Variants in DVL2 observed in about 807,000 individuals in gnomAD.
DVL2 encodes the protein dishevelled segment polarity protein 2.
A neutral mutation model predicts 69.8 loss-of-function variants in DVL2; 38 were observed. The observed-to-expected ratio is 0.54, with a 90% CI of 0.42 to 0.71. The LOEUF (loss-of-function observed/expected upper bound fraction) is 0.71, where lower values mean the gene tolerates loss of function less well. DVL2 is among the 30% of genes least tolerant of loss of function. The pLI, the probability that DVL2 is intolerant of heterozygous loss-of-function variation, is 0.00. For missense variants in DVL2, 931 were observed against 1,008.1 expected (o/e 0.92, Z 1.04); for synonymous variants, 428 against 392.4 (o/e 1.09, Z -1.07).
rs372921737 is a variant in DVL2, at chr17:7,226,357, C to T, written c.1763-44G>A. ...GGCAACTGAGTCCTCACCCAGGCTCCTCCCTGGCTCCCCTCTCATCCACCC... is the reference window on the plus strand; with the variant it reads ...GGCAACTGAGTCCTCACCCAGGCTCTTCCCTGGCTCCCCTCTCATCCACCC... On this transcript the variant is annotated intron_variant, in intron 14 of 14. Transcript: ENST00000005340. 1.9e-5 allele frequency: 29 copies of T among 1,532,734 alleles called. No homozygotes were observed. The African/African-American group carries it at 3.9e-4, about 20-fold the overall frequency. 94.9% of individuals were successfully genotyped at this position (1,532,734 alleles called of 1,614,324 possible). A position where few individuals can be genotyped will look rare whatever the true frequency, so the allele number is the denominator to read the frequency against.
At chr17:7,233,891 A>C in intron 1 of DVL2, 178 bp downstream of exon 1, 1 of 704,338 alleles carries the variant, frequency 1.4e-6, no homozygotes, top group East Asian at 2.5e-5. Context: ...GTGTGCCTCA[A>C]TCTATCCAAG....
At position 7,226,444 on chromosome 17, in the gene DVL2, C is replaced by T. The variant is rs757188541; in HGVS notation, c.1739G>A (p.Ser580Asn). 1 of 1,539,584 alleles carries T rather than the reference C, an allele frequency of 6.5e-7. No individual in the cohort carries two copies. Among genetic ancestry groups the T allele is most frequent in the South Asian group, 1.3e-5 (1 of 79,504 alleles). The change falls in exon 14 of 15, where the codon AGT (serine) becomes AAT (asparagine). Residue 580 changes from serine (S) to asparagine (N), a missense_variant. Coordinates refer to ENST00000005340, the MANE Select transcript of DVL2 (RefSeq NM_004422.3). ...ELSSYTYGGG[S>N]ASSQHSEGSR... ...ACCCTCACTATGCTGGCTGCTGGCA[C>T]TGCCCCCACCATAGGTGTAAGATGA...
rs1451512425 is a variant in DVL2, at chr17:7,229,394, T to C, written c.801A>G (p.Thr267=). ...TDSTMSLNII[T]VTLNMEKYNF... is the part of the protein sequence containing the mutation. ...TCCCCATACCCATGTTTAGCGTGACTGTGATGATATTGAGAGACATTGTGG... is the reference window on the plus strand; with the variant it reads ...TCCCCATACCCATGTTTAGCGTGACCGTGATGATATTGAGAGACATTGTGG... The change falls in exon 7 of 15, where the codon ACA becomes ACG. Residue 267 remains threonine (T), a synonymous_variant. Coordinates refer to ENST00000005340, the MANE Select transcript of DVL2 (RefSeq NM_004422.3). This position sits in a 1 kb window ranked among gnomAD's most constrained non-coding sequence, Gnocchi z 4.4. 6.2e-6 allele frequency: 10 copies of C among 1,613,912 alleles called. No homozygotes were observed. The highest frequency in any genetic ancestry group is 8.5e-6 in the Non-Finnish European group (10 of 1,180,012).
rs1567574815 is a variant in DVL2 at position 7,230,027 on chromosome 17, C to T, written c.520+19G>A. 1.2e-6 allele frequency: 2 copies of T among 1,613,286 alleles called. No homozygotes were observed. The highest frequency in any genetic ancestry group is 1.1e-5 in the South Asian group (1 of 91,076). Reference sequence around the variant, plus strand: ...GGGGTCTGGCCCAGCCCTTCCCGGCCCCCAGGCCTGCCCCTCACCGCCATG... The same window carrying T: ...GGGGTCTGGCCCAGCCCTTCCCGGCTCCCAGGCCTGCCCCTCACCGCCATG... On this transcript the variant is annotated intron_variant, in intron 4 of 14. Transcript: ENST00000005340.
Position 7,227,259 on chromosome 17 carries a change from C to T in DVL2, c.1374G>A (p.Val458=), listed in dbSNP as rs368325758. The change falls in exon 13 of 15, where the codon GTG becomes GTA. Residue 458 remains valine (V), a synonymous_variant. Transcript: ENST00000005340. ...CCACGTGATGGTAGAGCCAGTCAAC[C>T]ACATCCGAGCCTGGGAGCACCCACA... The part of the protein sequence containing the change: ...TIPNAFLGSD[V]VDWLYHHVEG... The T allele has an allele frequency of 5.6e-6, 9 of 1,609,034 alleles. No individual in the cohort carries two copies. The African/African-American group carries it at 1.1e-4, about 19-fold the overall frequency.
At position 7,227,672 on chromosome 17, in the gene DVL2, C is replaced by A. The variant is rs140804349; in HGVS notation, c.1214G>T (p.Gly405Val). The A allele has an allele frequency of 2.5e-6, 4 of 1,614,074 alleles. No individual in the cohort carries two copies. The Admixed American group carries it at 6.7e-5, about 27-fold the overall frequency. ...CGGCTCACCATCAGGCAAAGACGAT[C>A]CAGATGTAATGGTGCTCATGGAGGA... is the stretch of plus-strand genomic sequence containing the variant. Reference protein sequence around the residue: ...GSSSMSTITSGSSLPDGCEGR... With the variant: ...GSSSMSTITSVSSLPDGCEGR... Residue 405 changes from glycine to valine, a missense_variant, in exon 11 of 15, where the codon GGA becomes GTA. Around this residue, in one of 3 missense-constraint regions of DVL2, gnomAD observed 555 missense variants for 588.8 expected, o/e 0.94. Coordinates refer to ENST00000005340, the MANE Select transcript of DVL2 (RefSeq NM_004422.3).
rs1455040451 is a variant in DVL2 at position 7,229,908 on chromosome 17, C to T, written c.556G>A (p.Glu186Lys). The T allele has an allele frequency of 6.2e-7, 1 of 1,609,552 alleles. No individual in the cohort carries two copies. The highest frequency in any genetic ancestry group is 1.3e-5 in the African/African-American group (1 of 74,898). ...CTCTCGTATCCGGCCAGGTGGCGCT[C>T]CAGCCTTGAGGGGCCACCAGTCCTG... ...GHRTGGPSRL[E>K]RHLAGYESSS... The change falls in exon 5 of 15, where the codon GAG becomes AAG. Residue 186 changes from glutamate to lysine, a missense_variant. Around this residue, in one of 3 missense-constraint regions of DVL2, gnomAD observed 555 missense variants for 588.8 expected, o/e 0.94. Transcript: ENST00000005340. The surrounding 1 kb of genome is among the most constrained non-coding windows in gnomAD (Gnocchi z 4.4).
At position 7,229,385 on chromosome 17, in the gene DVL2, T is replaced by G. The variant is rs750176995; in HGVS notation, c.810A>C (p.Leu270=). ...TMSLNIITVT[L]NMEKYNFLGI... ...CACAGGCTCTCCCCATACCCATGTTTAGCGTGACTGTGATGATATTGAGAG... is the reference window on the plus strand; with the variant it reads ...CACAGGCTCTCCCCATACCCATGTTGAGCGTGACTGTGATGATATTGAGAG... Residue 270 remains leucine, a synonymous_variant, in exon 7 of 15, where the codon CTA becomes CTC. Transcript: ENST00000005340. The surrounding 1 kb of genome is among the most constrained non-coding windows in gnomAD (Gnocchi z 4.4). 6.2e-7 allele frequency: 1 copy of G among 1,613,938 alleles called. No individual in the cohort carries two copies. Among genetic ancestry groups the G allele is most frequent in the Non-Finnish European group, 8.5e-7 (1 of 1,180,026 alleles).
chr17:7,229,970 C>G lies in DVL2; in HGVS notation c.521-27G>C, dbSNP rs762868370. 2 of 1,608,426 alleles carry G rather than the reference C, an allele frequency of 1.2e-6. No individual in the cohort carries two copies. Among genetic ancestry groups the G allele is most frequent in the African/African-American group, 2.7e-5 (2 of 74,898 alleles). On this transcript the variant is annotated intron_variant, in intron 4 of 14. Coordinates refer to ENST00000005340, the MANE Select transcript of DVL2 (RefSeq NM_004422.3). The surrounding 1 kb of genome is among the most constrained non-coding windows in gnomAD (Gnocchi z 4.4). ...TACATATGGACAGGAAGCTCAAGAA[C>G]CAAGCTTCCCCCTGCTCACCCCACC...
Position 7,229,280 on chromosome 17 carries a change from G to T in DVL2, c.818-6C>A. The T allele has an allele frequency of 6.2e-7, 1 of 1,613,902 alleles. No individual in the cohort carries two copies. The highest frequency in any genetic ancestry group is 2.2e-5 in the East Asian group (1 of 44,890). ...ACCCAGGAAGTTGTACTTCTCTGTG[G>T]AGAGAGGCCATGTGAAAAGAGGAGC... On this transcript the variant is annotated splice_region_variant and splice_polypyrimidine_tract_variant and intron_variant, in intron 7 of 14. Coordinates refer to ENST00000005340, the MANE Select transcript of DVL2 (RefSeq NM_004422.3). This position sits in a 1 kb window ranked among gnomAD's most constrained non-coding sequence, Gnocchi z 4.4.
At chr17:7,230,574 A>AG in intron 2 of DVL2, 144 bp from the exon 3 acceptor site, 1 of 1,340,290 alleles carries the variant, frequency 7.5e-7, no homozygotes. Flanking sequence ...CAGAAGGAGA[A>AG]GGCTGAGGGC....
Position 7,234,456 on chromosome 17 carries a change from C to T in DVL2, c.-194G>A. 1.6e-6 allele frequency: 1 copy of T among 644,438 alleles called. No individual in the cohort carries two copies. The highest frequency in any genetic ancestry group is 2.5e-6 in the Non-Finnish European group (1 of 405,116). The allele number at this position is 644,438 out of a possible 1,614,324, so 39.9% of individuals were successfully genotyped here. ...CGGGCCGCGGGGTGCGACTCAAAGC[C>T]CCGGTCTCAGCGGCCGCCGCGCGCC... On this transcript the variant is annotated 5_prime_UTR_variant, in exon 1 of 15. Coordinates refer to ENST00000005340, the MANE Select transcript of DVL2 (RefSeq NM_004422.3).
At chr17:7,226,365 C>T (rs1243832513) in intron 14 of DVL2, 52 bp from the exon 15 acceptor site, 5 of 1,532,596 alleles carry the variant, frequency 3.3e-6, no homozygotes, top group Non-Finnish European at 4.4e-6. Context: ...TCCTCCCTGG[C>T]TCCCCTCTCA....
In DVL2 at chr17:7,230,402, T is replaced by G. The variant is rs1199153671; in HGVS notation, c.293A>C (p.Glu98Ala). Reference sequence around the variant, plus strand: ...AGGCTCATGGACTGGAGGGGCCATCTCGGGTTGGGGATTATCTGAGGACAC... The same window carrying G: ...AGGCTCATGGACTGGAGGGGCCATCGCGGGTTGGGGATTATCTGAGGACAC... ...WLVSSDNPQP[E>A]MAPPVHEPRA... Residue 98 changes from glutamate to alanine, a missense_variant, in exon 3 of 15, where the codon GAG becomes GCG. Around this residue, in one of 3 missense-constraint regions of DVL2, gnomAD observed 555 missense variants for 588.8 expected, o/e 0.94. Transcript: ENST00000005340. 6.2e-7 allele frequency: 1 copy of G among 1,613,998 alleles called. No homozygotes were observed. The highest frequency in any genetic ancestry group is 8.5e-7 in the Non-Finnish European group (1 of 1,180,004).
At chr17:7,232,956 G>T (rs1415981098) in intron 1 of DVL2, among the ~76,000 whole-genome samples, 1 of 151,988 alleles carries the variant, frequency 6.6e-6, no homozygotes, top group Non-Finnish European at 1.5e-5. Flanking sequence ...CGGGTGTGGT[G>T]GCGGACGCCT....
In DVL2 at chr17:7,234,475, G is replaced by A. The variant is rs992249975; in HGVS notation, c.-213C>T. ...CAAAGCCCCGGTCTCAGCGGCCGCC[G>A]CGCGCCACCGCCACCGACGCCGCGA... On this transcript the variant is annotated 5_prime_UTR_variant, in exon 1 of 15. Transcript: ENST00000005340. The A allele has an allele frequency of 7.2e-6, 4 of 559,172 alleles. No individual in the cohort carries two copies. The highest frequency in any genetic ancestry group is 2.5e-5 in the South Asian group (1 of 40,360). 34.6% of individuals were successfully genotyped at this position (559,172 alleles called of 1,614,324 possible).
intron 1 of DVL2, among the ~76,000 whole-genome samples, chr17:7,231,773 G>A (rs972571756): frequency 6.7e-5 from 10 of 148,336 alleles, no homozygotes; most frequent in Non-Finnish European, 1.3e-4. Flanking sequence ...CAAAGCAGGA[G>A]AATCGCTTGA....
At chr17:7,233,506 C>T (rs191661192) in intron 1 of DVL2, among the ~76,000 whole-genome samples, 2 of 152,074 alleles carry the variant, frequency 1.3e-5, no homozygotes, top group Non-Finnish European at 2.9e-5. Flanking sequence ...TGCAGTGGCG[C>T]GATCTCGGCT....
At position 7,234,175 on chromosome 17, in the gene DVL2, T is replaced by G; in HGVS notation, c.88A>C (p.Lys30Gln). 6.2e-7 allele frequency: 1 copy of G among 1,614,020 alleles called. No individual in the cohort carries two copies. Among genetic ancestry groups the G allele is most frequent in the Non-Finnish European group, 8.5e-7 (1 of 1,179,966 alleles). ...LDEEETPYLVKIPVPAERITL... is the reference protein window; with the variant it reads ...LDEEETPYLVQIPVPAERITL... Reference sequence around the variant, plus strand: ...ATGCGCTCGGCGGGGACAGGGATCTTCACCAGGTAGGGAGTCTCTTCCTCA... The same window carrying G: ...ATGCGCTCGGCGGGGACAGGGATCTGCACCAGGTAGGGAGTCTCTTCCTCA... The change falls in exon 1 of 15, where the codon AAG becomes CAG. Residue 30 changes from lysine (K) to glutamine (Q), a missense_variant. Physicochemically the swap from Lys to Gln is moderately conservative, Grantham distance 53 (BLOSUM62 1). Coordinates refer to ENST00000005340, the MANE Select transcript of DVL2 (RefSeq NM_004422.3).
Sources: allele counts gnomAD v4.1 joint callset (sites outside exome capture counted in the v4.1 genomes callset), GRCh38; gene constraint gnomAD v4.1.1; regional missense constraint gnomAD v4.1.1; non-coding constraint Gnocchi (gnomAD v3.1); transcripts MANE v1.5; gene names NCBI Gene and HGNC (gene_info 2026-07-23, HGNC 2026-07-21).